Variants in GPATCH2 observed in about 807,000 individuals in gnomAD.
GPATCH2 encodes G patch domain-containing protein 2.
GPATCH2 carries 51 observed loss-of-function variants against 58.0 expected under a neutral mutation model. The observed-to-expected ratio is 0.88, with a 90% CI of 0.70 to 1.11. The LOEUF (loss-of-function observed/expected upper bound fraction) is 1.11, where lower values mean the gene tolerates loss of function less well. GPATCH2 is among the 50% of genes most tolerant of loss of function. The probability of loss-of-function intolerance (pLI) is 0.00; values close to 1 mark genes in which losing one functional copy is unlikely to be tolerated. For synonymous variants in GPATCH2, 222 were observed against 218.5 expected, an observed-to-expected ratio of 1.02 and a Z score of -0.14; for missense variants, 625 against 652.2, an observed-to-expected ratio of 0.96 and a Z score of 0.45.
chr1:217,437,774 A>G (rs748924906), intron 9 of GPATCH2, among the ~76,000 whole-genome samples: 23 of 152,234 alleles, frequency 1.5e-4, no homozygotes, highest in Non-Finnish European at 2.6e-4. Context: ...CCTGGGACAG[A>G]GCACCTGCGG....
chr1:217,552,928 T>C (rs1002936785), intron 5 of GPATCH2, among the ~76,000 whole-genome samples: 1 of 152,156 alleles, frequency 6.6e-6, no homozygotes, highest in African/African-American at 2.4e-5. Context: ...CTCAGAAGTC[T>C]TACCTTTTAA....
At chr1:217,515,769 A>G (rs182852846) in intron 5 of GPATCH2, among the ~76,000 whole-genome samples, 42 of 137,010 alleles carry the variant, frequency 3.1e-4, no homozygotes, top group Admixed American at 1.9e-3. Flanking sequence ...AATATCCTTT[A>G]AAAAAAAAAA....
intron 5 of GPATCH2, among the ~76,000 whole-genome samples, chr1:217,515,180 C>T (rs964474021): frequency 6.6e-6 from 1 of 151,668 alleles, no homozygotes; most frequent in African/African-American, 2.4e-5. Context: ...ACTGCAAGCT[C>T]CGCCTCCCAG....
intron 5 of GPATCH2, among the ~76,000 whole-genome samples, chr1:217,554,685 G>A (rs953443171): frequency 3.9e-5 from 6 of 152,206 alleles, no homozygotes; most frequent in African/African-American, 1.4e-4. Context: ...TTGGAAGTAG[G>A]TGGAATGTAA....
intron 8 of GPATCH2, among the ~76,000 whole-genome samples, chr1:217,490,280 C>A (rs910873006): frequency 6.6e-6 from 1 of 152,108 alleles, no homozygotes; most frequent in Non-Finnish European, 1.5e-5. Flanking sequence ...TGCCTTTTCT[C>A]TTGATTCTTT....
intron 8 of GPATCH2, among the ~76,000 whole-genome samples, chr1:217,462,626 G>A (rs967313513): frequency 6.6e-6 from 1 of 152,110 alleles, no homozygotes; most frequent in African/African-American, 2.4e-5. Context: ...ACCTCATAGG[G>A]TAATACTGGA....
chr1:217,432,169 C>T (rs1658572025), intron 9 of GPATCH2, among the ~76,000 whole-genome samples: 1 of 151,988 alleles, frequency 6.6e-6, no homozygotes, highest in Admixed American at 6.6e-5. Context: ...TCCTTCCCTC[C>T]TTCCCTCCCT....
At chr1:217,532,519 A>T (rs1339972869) in intron 5 of GPATCH2, among the ~76,000 whole-genome samples, 2 of 152,184 alleles carry the variant, frequency 1.3e-5, no homozygotes, top group Non-Finnish European at 2.9e-5. Flanking sequence ...AAGGCCCCTG[A>T]ATTTATGGGA....
At chr1:217,562,241 A>T (rs543739223) in intron 5 of GPATCH2, among the ~76,000 whole-genome samples, 2 of 152,228 alleles carry the variant, frequency 1.3e-5, no homozygotes, top group African/African-American at 4.8e-5. Context: ...CTTCATAAAC[A>T]GGTGTAAACA....
intron 6 of GPATCH2, among the ~76,000 whole-genome samples, chr1:217,504,525 G>T (rs182224196): frequency 1.3e-5 from 2 of 152,308 alleles, no homozygotes; most frequent in Admixed American, 6.5e-5. Flanking sequence ...AATCAAAGTT[G>T]CAGTAAAAGC....
chr1:217,461,170 CT>C (rs1258586047), intron 8 of GPATCH2, among the ~76,000 whole-genome samples: 1 of 152,106 alleles, frequency 6.6e-6, no homozygotes, highest in Non-Finnish European at 1.5e-5. Context: ...ATATCAGAAA[CT>C]TTTGAAATAT....
At chr1:217,450,346 G>C (rs1659603836) in intron 8 of GPATCH2, among the ~76,000 whole-genome samples, 1 of 151,898 alleles carries the variant, frequency 6.6e-6, no homozygotes, top group Non-Finnish European at 1.5e-5. Context: ...AAGAAAAAAA[G>C]GGAAAAATTA....
rs1658472373 is a variant in GPATCH2 at position 217,430,313 on chromosome 1, T to C, written c.*832A>G. ...TTTAAATCCGTTTACTACACTTGAG[T>C]TGATCTTAAAAATAATATCAATCTT... On this transcript the variant is annotated 3_prime_UTR_variant, in exon 10 of 10. Coordinates refer to ENST00000366935, the MANE Select transcript of GPATCH2 (RefSeq NM_018040.5). 6.6e-6 allele frequency: 1 copy of C among 152,176 alleles called. No homozygotes were observed. Among genetic ancestry groups the C allele is most frequent in the African/African-American group, 2.4e-5 (1 of 41,434 alleles). 9.4% of individuals were successfully genotyped at this position (152,176 alleles called of 1,614,324 possible).
chr1:217,501,509 A>G (rs919017836), intron 6 of GPATCH2, among the ~76,000 whole-genome samples: 4 of 152,088 alleles, frequency 2.6e-5, no homozygotes, highest in African/African-American at 9.7e-5. Flanking sequence ...TAGTTTCATA[A>G]AACTGCCAAC....
rs1669101561 is a variant in GPATCH2 at position 217,619,961 on chromosome 1, AG to A, written c.594del (p.Tyr199ThrfsTer16). The A allele has an allele frequency of 1.2e-6, 2 of 1,613,988 alleles. No individual in the cohort carries two copies. The highest frequency in any genetic ancestry group is 1.7e-6 in the Non-Finnish European group (2 of 1,179,986). On this transcript the variant is annotated frameshift_variant, in exon 2 of 10. Transcript: ENST00000366935. LOFTEE classifies it high-confidence loss of function. ...CRDQDMDSDR[A>X]YQYQEFTKNK... ...TTCTTGGTAAATTCTTGATACTGGTAGGCTCTATCACTGTCCATGTCCTGAT... is the reference window on the plus strand; with the variant it reads ...TTCTTGGTAAATTCTTGATACTGGTAGCTCTATCACTGTCCATGTCCTGAT...
intron 8 of GPATCH2, among the ~76,000 whole-genome samples, chr1:217,486,183 A>G (rs1661446395): frequency 6.6e-6 from 1 of 152,204 alleles, no homozygotes; most frequent in Non-Finnish European, 1.5e-5. Context: ...CCAGTTATGC[A>G]GATCTTAAGA....
chr1:217,564,359 C>CA, intron 5 of GPATCH2, among the ~76,000 whole-genome samples: 1 of 152,164 alleles, frequency 6.6e-6, no homozygotes, highest in Non-Finnish European at 1.5e-5. Flanking sequence ...GATAATTACA[C>CA]AGCCTTCATT....
At chr1:217,527,434 C>T (rs1345574040) in intron 5 of GPATCH2, among the ~76,000 whole-genome samples, 1 of 151,320 alleles carries the variant, frequency 6.6e-6, no homozygotes, top group Non-Finnish European at 1.5e-5. Flanking sequence ...GCCTTGTGCC[C>T]TTCTTTGTAC....
intron 2 of GPATCH2, among the ~76,000 whole-genome samples, chr1:217,619,455 A>T (rs144607561): frequency 1.8e-3 from 273 of 152,314 alleles, no homozygotes; most frequent in African/African-American, 5.8e-3. Flanking sequence ...ATAATTAAAC[A>T]TATAATTATA....
Sources: gnomAD v4.1 joint callset for allele counts (sites outside exome capture counted in the v4.1 genomes callset) on GRCh38, gnomAD v4.1.1 for gene constraint, MANE v1.5 for transcripts, NCBI Gene and HGNC (gene_info 2026-07-23, HGNC 2026-07-21) for gene names.